The following ANK2 variants were observed in gnomAD, a reference collection of about 807,000 sequenced individuals.
ANK2 encodes the protein ankyrin-2.
Under a neutral mutation model 360.5 loss-of-function variants are expected in ANK2, and 83 were observed. The ratio of observed to expected loss-of-function variants is 0.23; its 90% CI spans 0.19 to 0.28. The LOEUF (loss-of-function observed/expected upper bound fraction) is 0.28, where lower values mean the gene tolerates loss of function less well. ANK2 is among the 10% of genes least tolerant of loss of function. ANK2 has a pLI of 1.00. For synonymous variants in ANK2, 1,740 were observed against 1,759.5 expected (o/e 0.99, Z 0.28); for missense variants, 4,201 against 4,795.7 (o/e 0.88, Z 3.66).
At chr4:112,933,266 C>G (rs1485613282) in intron 2 of ANK2, among the ~76,000 whole-genome samples, 2 of 152,188 alleles carry the variant, frequency 1.3e-5, no homozygotes, top group African/African-American at 4.8e-5. Context: ...ATTGTTAAAT[C>G]TAAGGAATGG....
intron 4 of ANK2, among the ~76,000 whole-genome samples, chr4:113,214,856 C>T (rs548800884): frequency 7.2e-5 from 11 of 152,186 alleles, no homozygotes; most frequent in African/African-American, 2.6e-4. Context: ...TGTGAAAGTA[C>T]ACATCATTTC....
intron 1 of ANK2, among the ~76,000 whole-genome samples, chr4:112,874,226 C>T (rs1221789011): frequency 1.3e-5 from 2 of 150,310 alleles, no homozygotes; most frequent in African/African-American, 4.9e-5. Flanking sequence ...GGATTACAGG[C>T]GCCTGCCACC....
At chr4:113,293,661 A>T in intron 22 of ANK2, 123 bp downstream of exon 22, 1 of 951,230 alleles carries the variant, frequency 1.1e-6, no homozygotes, top group African/African-American at 1.6e-5. Context: ...CTTTTTGTTG[A>T]AAGTATTGTA....
At chr4:113,295,080 A>G (rs1419328981) in intron 22 of ANK2, among the ~76,000 whole-genome samples, 2 of 152,166 alleles carry the variant, frequency 1.3e-5, no homozygotes, top group Non-Finnish European at 2.9e-5. Flanking sequence ...TTATTTTACC[A>G]AGTTATCACT....
chr4:113,147,500 A>G (rs911323077), intron 1 of ANK2, among the ~76,000 whole-genome samples: 2 of 152,244 alleles, frequency 1.3e-5, no homozygotes, highest in Admixed American at 1.3e-4. Context: ...TAAAGGTTTT[A>G]TAGACTGGAG....
intron 2 of ANK2, among the ~76,000 whole-genome samples, chr4:113,013,047 TAA>T (rs1363451313): frequency 6.6e-6 from 1 of 152,212 alleles, no homozygotes; most frequent in African/African-American, 2.4e-5. Flanking sequence ...GCTAGGACTT[TAA>T]AGTTTCCCTG....
chr4:112,963,548 G>A (rs1223275396), intron 2 of ANK2, among the ~76,000 whole-genome samples: 10 of 152,208 alleles, frequency 6.6e-5, no homozygotes, highest in Middle Eastern at 3.4e-3. Flanking sequence ...AGTAGCTCTT[G>A]GACAGTAGCA....
chr4:113,232,309 A>G, intron 5 of ANK2, 50 bp downstream of exon 5: 1 of 1,336,868 alleles, frequency 7.5e-7, no homozygotes, highest in Non-Finnish European at 1.1e-6. Flanking sequence ...TAATGTCCAT[A>G]TTCTTTATAT....
At chr4:112,904,541 T>C in intron 2 of ANK2, 1 of 1,442,630 alleles carries the variant, frequency 6.9e-7, no homozygotes, top group Non-Finnish European at 9.4e-7. Context: ...AAATATTACT[T>C]TAAAGGAATC....
chr4:113,070,860 T>G (rs536411274), intron 1 of ANK2, among the ~76,000 whole-genome samples: 1 of 152,200 alleles, frequency 6.6e-6, no homozygotes, highest in South Asian at 2.1e-4. Context: ...TGCCTTGGTC[T>G]TTTCTGCCCA....
chr4:113,113,009 A>G (rs1330219135), intron 1 of ANK2, among the ~76,000 whole-genome samples: 1 of 152,126 alleles, frequency 6.6e-6, no homozygotes, highest in Non-Finnish European at 1.5e-5. Context: ...TTCAGGTAAA[A>G]CAAATTGAGA....
chr4:113,042,430 A>G (rs1418047309), intron 2 of ANK2, among the ~76,000 whole-genome samples: 2 of 152,046 alleles, frequency 1.3e-5, no homozygotes, highest in African/African-American at 2.4e-5. Flanking sequence ...CCCCTCATCT[A>G]TTTATCGCTA....
At chr4:112,772,063 C>T in the ANK2 span, among the ~76,000 whole-genome samples, 1 of 152,250 alleles carries the variant, frequency 6.6e-6, no homozygotes, top group African/African-American at 2.4e-5. Context: ...TTCTCAGAGT[C>T]CTTCAGCCTC....
intron 1 of ANK2, among the ~76,000 whole-genome samples, chr4:113,093,246 C>T (rs1401448574): frequency 6.6e-6 from 1 of 152,124 alleles, no homozygotes; most frequent in Non-Finnish European, 1.5e-5. Flanking sequence ...TCAGTAAATC[C>T]TTCAGATTAT....
rs146438848 is a variant in ANK2 at position 113,133,536 on chromosome 4, G to A, written c.85-40880G>A. Among the ~76,000 whole-genome samples, 556 of 151,912 alleles carry A rather than the reference G, an allele frequency of 3.7e-3. 4 individuals are homozygous for A. Among genetic ancestry groups the A allele is most frequent in the African/African-American group, 0.012 (509 of 41,458 alleles). On this transcript the variant is annotated intron_variant, in intron 1 of 45. Transcript: ENST00000357077. ...CAGATTCCAAATCCCATGCCTTTTCGCTAAACCATGCTATACTACCACGTA... is the reference window on the plus strand; with the variant it reads ...CAGATTCCAAATCCCATGCCTTTTCACTAAACCATGCTATACTACCACGTA...
At chr4:113,084,325 T>A (rs949610194) in intron 1 of ANK2, among the ~76,000 whole-genome samples, 4 of 152,208 alleles carry the variant, frequency 2.6e-5, no homozygotes, top group African/African-American at 9.6e-5. Context: ...CAGCATGAAT[T>A]TTTGGTGGTC....
At chr4:112,902,823 G>A (rs1261694490) in intron 1 of ANK2, among the ~76,000 whole-genome samples, 2 of 152,202 alleles carry the variant, frequency 1.3e-5, no homozygotes, top group Non-Finnish European at 2.9e-5. Flanking sequence ...TTATGTGAAT[G>A]TGGACACCAC....
intron 2 of ANK2, among the ~76,000 whole-genome samples, chr4:112,941,319 GAT>G (rs994705063): frequency 3.4e-5 from 5 of 144,970 alleles, no homozygotes; most frequent in African/African-American, 1.2e-4. Flanking sequence ...ATTTATAAAA[GAT>G]ATATAAATAT....
chr4:113,035,860 G>A, intron 2 of ANK2, among the ~76,000 whole-genome samples: 1 of 151,936 alleles, frequency 6.6e-6, no homozygotes, highest in African/African-American at 2.4e-5. Flanking sequence ...AAATCGGAAA[G>A]AGGAGAGGGA....
Sources: allele counts gnomAD v4.1 joint callset (sites outside exome capture counted in the v4.1 genomes callset), GRCh38; gene constraint gnomAD v4.1.1; transcripts MANE v1.5; gene names NCBI Gene and HGNC (gene_info 2026-07-23, HGNC 2026-07-21).